The following WDFY2 variants were observed in gnomAD, a reference collection of about 807,000 sequenced individuals.
WDFY2 encodes the protein WD repeat and FYVE domain containing 2.
A neutral mutation model predicts 56.4 loss-of-function variants in WDFY2; 36 were observed. The ratio of observed to expected loss-of-function variants is 0.64; its 90% confidence interval spans 0.49 to 0.84. WDFY2 has a LOEUF of 0.84. WDFY2 is among the 40% of genes least tolerant of loss of function. The probability of loss-of-function intolerance (pLI) is 0.00; values close to 1 mark genes in which losing one functional copy is unlikely to be tolerated. For synonymous variants in WDFY2, 176 were observed against 183.7 expected, an observed-to-expected ratio of 0.96 and a Z score of 0.34; for missense variants, 444 against 512.2, an observed-to-expected ratio of 0.87 and a Z score of 1.29.
chr13:51,732,979 A>T (rs1952756555), intron 6 of WDFY2, among the ~76,000 whole-genome samples: 1 of 152,326 alleles, frequency 6.6e-6, no homozygotes, highest in South Asian at 2.1e-4. Context: ...TTGGAAGCAA[A>T]TAATAAAAGG....
At chr13:51,728,538 A>C (rs1952653586) in intron 6 of WDFY2, among the ~76,000 whole-genome samples, 1 of 152,194 alleles carries the variant, frequency 6.6e-6, no homozygotes, top group Non-Finnish European at 1.5e-5. Context: ...CTACAAACCC[A>C]TGATTTTGTG....
At position 51,735,842 on chromosome 13, in the gene WDFY2, G is replaced by A. The variant is rs1022150042; in HGVS notation, c.599-3207G>A. On this transcript the variant is annotated intron_variant, in intron 6 of 11. Coordinates refer to ENST00000298125, the MANE Select transcript of WDFY2 (RefSeq NM_052950.4). The stretch of plus-strand genomic sequence containing the variant: ...CCTACACCATCCTAAACTTTTTCTT[G>A]TCTTGCAGCTTTTCCTTCTATCTCT... Among the ~76,000 whole-genome samples, 3 of 152,136 alleles carry A rather than the reference G, an allele frequency of 2.0e-5. No homozygotes were observed. In the East Asian group the frequency reaches 5.8e-4, roughly 29 times the overall value.
chr13:51,590,197 C>T (rs1012124410), intron 1 of WDFY2: 5 of 152,182 alleles, frequency 3.3e-5, no homozygotes, highest in African/African-American at 1.2e-4. Context: ...GATGGCAATT[C>T]TGACACTCTT....
intron 1 of WDFY2, among the ~76,000 whole-genome samples, chr13:51,645,387 A>G (rs1464011372): frequency 6.6e-6 from 1 of 152,130 alleles, no homozygotes; most frequent in African/African-American, 2.4e-5. Context: ...TGGGAAATGA[A>G]GCTCATTGCT....
intron 5 of WDFY2, among the ~76,000 whole-genome samples, chr13:51,723,915 T>C (rs1654444157): frequency 2.6e-5 from 4 of 152,236 alleles, no homozygotes; most frequent in Admixed American, 2.6e-4. Flanking sequence ...AAAGGATAAC[T>C]TCCCCTGCCT....
intron 1 of WDFY2, among the ~76,000 whole-genome samples, chr13:51,657,175 T>C (rs1955524895): frequency 6.6e-6 from 1 of 152,110 alleles, no homozygotes; most frequent in Admixed American, 6.5e-5. Context: ...TATCAATTTA[T>C]TTTTACTAGT....
At chr13:51,707,699 C>A (rs1952113339) in intron 4 of WDFY2, among the ~76,000 whole-genome samples, 1 of 151,866 alleles carries the variant, frequency 6.6e-6, no homozygotes, top group African/African-American at 2.4e-5. Context: ...AAAATGGGAA[C>A]TGAAAGGTTT....
rs1254239396 is a variant in WDFY2 at position 51,724,110 on chromosome 13, T to G, written c.486-3568T>G. Among the ~76,000 whole-genome samples the G allele has an allele frequency of 2.6e-5, 4 of 152,196 alleles. No homozygotes were observed. The East Asian group carries it at 7.7e-4, about 29-fold the overall frequency. On this transcript the variant is annotated intron_variant, in intron 5 of 11. Transcript: ENST00000298125. The stretch of plus-strand genomic sequence containing the variant: ...TATGAAATCTTAGGTTGGTTGGTTG[T>G]TTTTAAATAATAATATGTTCAGTAT...
intron 1 of WDFY2, among the ~76,000 whole-genome samples, chr13:51,657,203 C>A (rs1428573867): frequency 2.0e-5 from 3 of 151,992 alleles, no homozygotes; most frequent in Non-Finnish European, 4.4e-5. Context: ...AACTCTGCTC[C>A]TAGTTAGCTC....
rs1237831117 is a variant in WDFY2, at chr13:51,709,047, T to C, written c.334+5397T>C. ...TTTAGGGAGAAATAGATACAAGTTATAGATAGAAATTTTAATATTTTCAAT... is the reference window on the plus strand; with the variant it reads ...TTTAGGGAGAAATAGATACAAGTTACAGATAGAAATTTTAATATTTTCAAT... On this transcript the variant is annotated intron_variant, in intron 4 of 11. Coordinates refer to ENST00000298125, the MANE Select transcript of WDFY2 (RefSeq NM_052950.4). Among the ~76,000 whole-genome samples the C allele has an allele frequency of 1.1e-4, 17 of 152,180 alleles. 1 individual carries two copies. Among genetic ancestry groups the C allele is most frequent in the African/African-American group, 3.4e-4 (14 of 41,440 alleles).
chr13:51,675,281 T>C (rs768808908), intron 3 of WDFY2, 38 bp downstream of exon 3: 1 of 1,546,538 alleles, frequency 6.5e-7, no homozygotes, highest in South Asian at 1.1e-5. Flanking sequence ...TTGAAATACT[T>C]CCCTTCCTGT....
chr13:51,690,231 C>T (rs1428407999), intron 3 of WDFY2, among the ~76,000 whole-genome samples: 1 of 150,496 alleles, frequency 6.6e-6, no homozygotes, highest in African/African-American at 2.4e-5. Flanking sequence ...TTTTAGGGTA[C>T]ATGTGCACAT....
intron 2 of WDFY2, among the ~76,000 whole-genome samples, chr13:51,674,905 T>C (rs904164155): frequency 1.3e-5 from 2 of 152,206 alleles, no homozygotes; most frequent in Non-Finnish European, 2.9e-5. Context: ...GAGTCCATAC[T>C]GACAGAACCA....
At chr13:51,739,799 C>T (rs1952926991) in intron 7 of WDFY2, among the ~76,000 whole-genome samples, 1 of 152,158 alleles carries the variant, frequency 6.6e-6, no homozygotes, top group Non-Finnish European at 1.5e-5. Flanking sequence ...ATTCTGGTTG[C>T]CGTCCAGAGC....
intron 5 of WDFY2, among the ~76,000 whole-genome samples, chr13:51,727,426 A>G (rs1952627614): frequency 1.3e-5 from 2 of 152,120 alleles, no homozygotes; most frequent in Non-Finnish European, 2.9e-5. Context: ...ACATGTGTTG[A>G]TATTTTTTAA....
intron 1 of WDFY2, chr13:51,588,592 A>G (rs1953987744): frequency 6.6e-6 from 1 of 152,196 alleles, no homozygotes; most frequent in Admixed American, 6.5e-5. Flanking sequence ...AATCTCTTCT[A>G]CAGATGGGTC....
intron 1 of WDFY2, among the ~76,000 whole-genome samples, chr13:51,647,709 A>G (rs560863732): frequency 6.7e-6 from 1 of 148,832 alleles, no homozygotes; most frequent in East Asian, 2.0e-4. Flanking sequence ...ACAGTGAGCT[A>G]TGATTGTGTC....
intron 1 of WDFY2, among the ~76,000 whole-genome samples, chr13:51,651,991 A>T (rs985159392): frequency 2.0e-5 from 3 of 152,120 alleles, no homozygotes; most frequent in African/African-American, 7.2e-5. Context: ...TCTAATGTTG[A>T]CAGTGTGGTT....
At chr13:51,631,031 C>T (rs1035695254) in intron 1 of WDFY2, among the ~76,000 whole-genome samples, 4 of 150,920 alleles carry the variant, frequency 2.7e-5, no homozygotes, top group Non-Finnish European at 5.9e-5. Flanking sequence ...CCACCCATCT[C>T]GGCCTCCCAA....
Sources: gnomAD v4.1 joint callset for allele counts (sites outside exome capture counted in the v4.1 genomes callset) on GRCh38, gnomAD v4.1.1 for gene constraint, MANE v1.5 for transcripts, NCBI Gene and HGNC (gene_info 2026-07-23, HGNC 2026-07-21) for gene names.